Variants in NKAP observed in about 807,000 individuals in gnomAD.
NKAP encodes the protein NF-kappa-B-activating protein.
Under a neutral mutation model 35.6 loss-of-function variants are expected in NKAP, and 4 were observed. The observed-to-expected ratio is 0.11, with a 90% confidence interval of 0.06 to 0.26. The LOEUF (loss-of-function observed/expected upper bound fraction) is 0.26, where lower values mean the gene tolerates loss of function less well. Among genes scored for constraint, NKAP ranks in the 10% least tolerant of loss-of-function variants. The pLI, the probability that NKAP is intolerant of heterozygous loss-of-function variation, is 1.00. For missense variants in NKAP, 238 were observed against 321.9 expected (o/e 0.74, Z 1.99); for synonymous variants, 106 against 119.2 (o/e 0.89, Z 0.72).
intron 4 of NKAP, 148 bp from the exon 5 acceptor site, chrX:119,934,705 A>G: frequency 2.6e-6 from 1 of 378,472 alleles, no homozygotes; most frequent in Non-Finnish European, 4.5e-6. Flanking sequence ...TTTGTCACGA[A>G]CTGTAGGGAG....
chrX:119,943,060 G>T, intron 1 of NKAP, 160 bp downstream of exon 1: 1 of 674,130 alleles, frequency 1.5e-6, no homozygotes, highest in Non-Finnish European at 2.2e-6. Context: ...TGAAAAGGAC[G>T]AATAAAGGGT....
chrX:119,943,680 G>A lies in NKAP; in HGVS notation c.-75C>T. 1 of 1,078,342 alleles carries A rather than the reference G, an allele frequency of 9.3e-7. No homozygotes were observed. The highest frequency in any genetic ancestry group is 1.2e-6 in the Non-Finnish European group (1 of 821,944). 88.9% of individuals were successfully genotyped at this position (1,078,342 alleles called of 1,213,427 possible). On this transcript the variant is annotated 5_prime_UTR_variant, in exon 1 of 9. Transcript: ENST00000371410. ...GCCTAGGAAGATGTCTGTTGCCTTG[G>A]TTCCCGGGACCTGCCGCTGCGGAAC...
chrX:119,940,808 G>A (rs907015752), intron 1 of NKAP, among the ~76,000 whole-genome samples: 8 of 111,749 alleles, frequency 7.2e-5, no homozygotes, highest in Admixed American at 2.9e-4. Flanking sequence ...GGGGAAGAAC[G>A]CCTACCAGGC....
chrX:119,928,882 G>A (rs1173506151), intron 8 of NKAP, among the ~76,000 whole-genome samples: 9 of 107,762 alleles, frequency 8.4e-5, no homozygotes, highest in African/African-American at 2.4e-4. Flanking sequence ...TTGTTATATC[G>A]CCCTTTCCAA....
intron 4 of NKAP, among the ~76,000 whole-genome samples, chrX:119,935,832 C>T (rs960945610): frequency 1.6e-4 from 18 of 111,766 alleles, no homozygotes; most frequent in African/African-American, 5.9e-4. Flanking sequence ...GAAGTAGGCA[C>T]TTTATGGCAT....
chrX:119,926,427 C>T (rs967207552), intron 8 of NKAP, among the ~76,000 whole-genome samples: 4 of 108,620 alleles, frequency 3.7e-5, no homozygotes, highest in South Asian at 8.2e-4. Context: ...CCACCACGCC[C>T]GACTAATTTT....
chrX:119,941,088 C>T (rs1242477266), intron 1 of NKAP, among the ~76,000 whole-genome samples: 3 of 107,185 alleles, frequency 2.8e-5, no homozygotes, highest in Admixed American at 2.0e-4. Flanking sequence ...TGCAGTGAGC[C>T]GAGACTGCAC....
At chrX:119,929,175 C>A (rs1420727383) in intron 8 of NKAP, among the ~76,000 whole-genome samples, 2 of 112,072 alleles carry the variant, frequency 1.8e-5, no homozygotes, top group African/African-American at 6.5e-5. Flanking sequence ...GGATTACAGG[C>A]ATGAGCCACC....
Position 119,938,824 on chromosome X carries a change from A to C in NKAP, c.387-14T>G. 8.8e-7 allele frequency: 1 copy of C among 1,133,878 alleles called. No individual in the cohort carries two copies. The highest frequency in any genetic ancestry group is 1.2e-6 in the Non-Finnish European group (1 of 834,884). The allele number at this position is 1,133,878 out of a possible 1,213,427, so 93.4% of individuals were successfully genotyped here. ...TCACTTAATCTCCTAGCAGATAAAG[A>C]CATGTAAATTATAACTCAATGGCTG... On this transcript the variant is annotated splice_polypyrimidine_tract_variant and intron_variant, in intron 1 of 8. Coordinates refer to ENST00000371410, the MANE Select transcript of NKAP (RefSeq NM_024528.4).
Position 119,923,038 on chromosome X carries a change from C to G in NKAP, c.*2182G>C, listed in dbSNP as rs780360098. 2 of 110,716 alleles carry G rather than the reference C, an allele frequency of 1.8e-5. No homozygotes were observed. Among genetic ancestry groups the G allele is most frequent in the South Asian group, 7.7e-4 (2 of 2,605 alleles). 9.1% of individuals were successfully genotyped at this position (110,716 alleles called of 1,213,427 possible). ...CCAGCCTGGCCAAGATGGCGAAACC[C>G]CATCTCTATTGAAAATACAAAAATT... On this transcript the variant is annotated 3_prime_UTR_variant, in exon 9 of 9. Transcript: ENST00000371410.
intron 8 of NKAP, among the ~76,000 whole-genome samples, chrX:119,925,947 AT>A (rs1238211722): frequency 8.8e-4 from 46 of 52,379 alleles, no homozygotes; most frequent in East Asian, 2.4e-3. Context: ...TTTTTTTTTA[AT>A]TTTTTTTTTT....
chrX:119,939,827 A>C (rs1014756632), intron 1 of NKAP, among the ~76,000 whole-genome samples: 1 of 108,556 alleles, frequency 9.2e-6, no homozygotes, highest in African/African-American at 3.3e-5. Context: ...TAAACCCAGG[A>C]GGTGGAAGTT....
intron 1 of NKAP, among the ~76,000 whole-genome samples, chrX:119,939,239 G>A (rs1330404651): frequency 8.9e-6 from 1 of 112,389 alleles, no homozygotes; most frequent in African/African-American, 3.2e-5. Context: ...TGCATTAGAC[G>A]TAGAAAACAA....
rs771454745 is a variant in NKAP at position 119,933,605 on chromosome X, T to C, written c.737+889A>G. 8.9e-5 allele frequency among the ~76,000 whole-genome samples: 10 copies of C among 111,923 alleles called. No individual in the cohort carries two copies. The South Asian group carries it at 3.7e-3, about 41-fold the overall frequency. ...TATTTGGATCCTGATTGGAATAAAC[T>C]ACAGAAAAAACTGCTGAGAATAGAG... On this transcript the variant is annotated intron_variant, in intron 5 of 8. Transcript: ENST00000371410.
chrX:119,930,420 G>C (rs976060777), intron 7 of NKAP, among the ~76,000 whole-genome samples: 1 of 112,434 alleles, frequency 8.9e-6, no homozygotes, highest in African/African-American at 3.2e-5. Context: ...AAGAACTGCT[G>C]TGAGTATAGA....
chrX:119,936,710 AT>A, intron 2 of NKAP, 28 bp from the exon 3 acceptor site: 1 of 1,090,032 alleles, frequency 9.2e-7, no homozygotes, highest in Non-Finnish European at 1.3e-6. Flanking sequence ...GGTTATAAGA[AT>A]TAGGAAAGTG....
chrX:119,936,833 G>T, intron 2 of NKAP, 151 bp from the exon 3 acceptor site: 1 of 439,444 alleles, frequency 2.3e-6, no homozygotes. Flanking sequence ...GGCAGAACTT[G>T]GGAATCAAAA....
rs2056688541 is a variant in NKAP, at chrX:119,921,632, C to T, written c.*3588G>A. ...AACACAATTTGAAGCAGTAACAACA[C>T]TCATAAGCTGAAAATAAAATACTTT... On this transcript the variant is annotated 3_prime_UTR_variant, in exon 9 of 9. Coordinates refer to ENST00000371410, the MANE Select transcript of NKAP (RefSeq NM_024528.4). 9.2e-6 allele frequency: 1 copy of T among 109,092 alleles called. No homozygotes were observed. Among genetic ancestry groups the T allele is most frequent in the African/African-American group, 3.3e-5 (1 of 30,086 alleles). 9.0% of individuals were successfully genotyped at this position (109,092 alleles called of 1,213,427 possible). A position where few individuals can be genotyped will look rare whatever the true frequency, so the allele number is the denominator to read the frequency against.
At chrX:119,939,342 A>C (rs1362458171) in intron 1 of NKAP, among the ~76,000 whole-genome samples, 1 of 112,101 alleles carries the variant, frequency 8.9e-6, no homozygotes, top group African/African-American at 3.2e-5. Flanking sequence ...GCTGGAGTGC[A>C]GTAGCACGAT....
Sources: allele counts gnomAD v4.1 joint callset (sites outside exome capture counted in the v4.1 genomes callset), GRCh38; gene constraint gnomAD v4.1.1; transcripts MANE v1.5; gene names NCBI Gene and HGNC (gene_info 2026-07-23, HGNC 2026-07-21).